CDKN2B-AS1: variants seen among roughly 807,000 people sequenced by gnomAD.
CDKN2B-AS1 encodes the protein CDKN2B antisense RNA 1 (non-protein coding).
At chr9:22,048,660 A>G (rs948938929) in intron 2 of CDKN2B-AS1, among the ~76,000 whole-genome samples, 2 of 152,108 alleles carry the variant, frequency 1.3e-5, no homozygotes, top group Non-Finnish European at 2.9e-5. Flanking sequence ...TCCAATCCAT[A>G]TCGGGGAAAA....
chr9:22,042,441 A>C (rs1199462547), intron 1 of CDKN2B-AS1, among the ~76,000 whole-genome samples: 1 of 152,108 alleles, frequency 6.6e-6, no homozygotes, highest in African/African-American at 2.4e-5. Flanking sequence ...GAAAGTGAAA[A>C]ATGCTCTTAA....
chr9:22,073,550 T>G (rs1824379584), intron 4 of CDKN2B-AS1, among the ~76,000 whole-genome samples: 1 of 152,180 alleles, frequency 6.6e-6, no homozygotes, highest in Non-Finnish European at 1.5e-5. Context: ...TTCTGTTAAC[T>G]GAGAGTGATT....
intron 1 of CDKN2B-AS1, among the ~76,000 whole-genome samples, chr9:22,033,445 G>T (rs905752109): frequency 1.3e-5 from 2 of 152,120 alleles, no homozygotes; most frequent in African/African-American, 4.8e-5. Context: ...ACATGCATAT[G>T]TAAATGAGTC....
chr9:22,059,364 A>T (rs1333392512), intron 4 of CDKN2B-AS1, among the ~76,000 whole-genome samples: 6 of 152,216 alleles, frequency 3.9e-5, no homozygotes, highest in Non-Finnish European at 1.5e-5. Context: ...TACAGGGCCC[A>T]TGCAAGTCCA....
At chr9:22,123,282 C>A (rs1826136114) in intron 4 of CDKN2B-AS1, among the ~76,000 whole-genome samples, 1 of 152,132 alleles carries the variant, frequency 6.6e-6, no homozygotes, top group Non-Finnish European at 1.5e-5. Flanking sequence ...TATATAAAAT[C>A]ATGTCATCTG....
chr9:22,103,131 A>ATTGTG, intron 4 of CDKN2B-AS1, among the ~76,000 whole-genome samples: 1 of 132,412 alleles, frequency 7.6e-6, no homozygotes, highest in Middle Eastern at 3.5e-3. Flanking sequence ...TCTAGAACAG[A>ATTGTG]TGTGTGTGTG....
chr9:22,030,565 GTGAA>G (rs1184719030), intron 1 of CDKN2B-AS1: 1 of 152,126 alleles, frequency 6.6e-6, no homozygotes, highest in East Asian at 1.9e-4. Flanking sequence ...TATGGACATA[GTGAA>G]TGGAAGTTCA....
At chr9:22,026,586 C>G (rs1189360019) in intron 1 of CDKN2B-AS1, among the ~76,000 whole-genome samples, 1 of 152,224 alleles carries the variant, frequency 6.6e-6, no homozygotes. Flanking sequence ...GGGTCTTATC[C>G]TGTGAGGCGC....
chr9:22,046,205 A>G (rs1407994176), intron 1 of CDKN2B-AS1: 1 of 152,170 alleles, frequency 6.6e-6, no homozygotes, highest in African/African-American at 2.4e-5. Context: ...AGAAAAATGC[A>G]GTGACTCCCA....
chr9:22,123,528 T>A (rs182281221), intron 4 of CDKN2B-AS1, among the ~76,000 whole-genome samples: 2 of 151,804 alleles, frequency 1.3e-5, no homozygotes, highest in Admixed American at 1.3e-4. Flanking sequence ...CCAAAAGAGG[T>A]GAGGGATGGA....
chr9:22,102,006 C>G (rs565002870), intron 4 of CDKN2B-AS1, among the ~76,000 whole-genome samples: 2 of 152,276 alleles, frequency 1.3e-5, no homozygotes, highest in East Asian at 3.9e-4. Flanking sequence ...ATGGTCATAA[C>G]TCAGCTCTCA....
rs748040681 is a variant in CDKN2B-AS1 at position 22,101,665 on chromosome 9, A to AACACACACAC, written n.439-25410_439-25401dup. On this transcript the variant is annotated intron_variant and non_coding_transcript_variant, in intron 4 of 4. Transcript: ENST00000650946. ...TTTCATTGCAACCCTAACCCTCTTC[A>AACACACACAC]ACACACACACACACACACACACACA... is the stretch of plus-strand genomic sequence containing the variant. Among the ~76,000 whole-genome samples the AACACACACAC allele has an allele frequency of 6.0e-3, 756 of 125,488 alleles. 20 individuals are homozygous for AACACACACAC. Among genetic ancestry groups the AACACACACAC allele is most frequent in the African/African-American group, 0.02 (716 of 35,902 alleles). The allele number at this position is 125,488 out of a possible 152,430, so 82.3% of individuals were successfully genotyped here.
At chr9:22,068,498 C>G (rs1427092987) in intron 4 of CDKN2B-AS1, among the ~76,000 whole-genome samples, 3 of 152,090 alleles carry the variant, frequency 2.0e-5, no homozygotes, top group Admixed American at 2.0e-4. Context: ...ACACTATGTA[C>G]CAAGCCCGAG....
At chr9:22,023,620 A>G (rs1180279751) in intron 1 of CDKN2B-AS1, among the ~76,000 whole-genome samples, 1 of 152,108 alleles carries the variant, frequency 6.6e-6, no homozygotes. Context: ...GAACATGCTT[A>G]TAATCTCAGC....
chr9:22,117,246 TTTTAA>T (rs1825973869), intron 4 of CDKN2B-AS1, among the ~76,000 whole-genome samples: 1 of 152,242 alleles, frequency 6.6e-6, no homozygotes, highest in Non-Finnish European at 1.5e-5. Flanking sequence ...TTTTGTTTAT[TTTTAA>T]TTTAACCTAC....
Position 22,056,234 on chromosome 9 carries a change from A to ATATTTTTTTTTT in CDKN2B-AS1, n.303-17_303-16insATTTTTTTTTTT, listed in dbSNP as rs777560826. ...TGTGTATATATATATATATATATAT[A>ATATTTTTTTTTT]TTTTTTTTTTTTTCCAGTAGAGACG... On this transcript the variant is annotated splice_polypyrimidine_tract_variant and intron_variant and non_coding_transcript_variant, in intron 3 of 4. Coordinates refer to ENST00000650946, the Ensembl canonical transcript of CDKN2B-AS1. The ATATTTTTTTTTT allele has an allele frequency of 1.0e-4, 10 of 98,278 alleles. No individual in the cohort carries two copies. In the South Asian group the frequency reaches 1.9e-3, roughly 18 times the overall value. 6.1% of individuals were successfully genotyped at this position (98,278 alleles called of 1,614,324 possible). A position where few individuals can be genotyped will look rare whatever the true frequency, so the allele number is the denominator to read the frequency against.
intron 1 of CDKN2B-AS1, among the ~76,000 whole-genome samples, chr9:22,010,714 T>C (rs891762150): frequency 1.3e-5 from 2 of 152,188 alleles, no homozygotes; most frequent in Admixed American, 1.3e-4. Flanking sequence ...TAACAATTTC[T>C]TTTTCTTTCC....
intron 4 of CDKN2B-AS1, among the ~76,000 whole-genome samples, chr9:22,066,976 A>G (rs539806758): frequency 6.6e-6 from 1 of 152,136 alleles, no homozygotes; most frequent in East Asian, 1.9e-4. Flanking sequence ...CAGAAAACCA[A>G]ACACTGATGT....
chr9:22,027,995 A>G (rs1322921899), intron 1 of CDKN2B-AS1, among the ~76,000 whole-genome samples: 4 of 152,194 alleles, frequency 2.6e-5, no homozygotes, highest in African/African-American at 9.6e-5. Flanking sequence ...AGAAATCAAT[A>G]TCTTCATCAA....
Sources: allele counts gnomAD v4.1 joint callset (sites outside exome capture counted in the v4.1 genomes callset), GRCh38; gene constraint gnomAD v4.1.1; transcripts MANE v1.5; gene names NCBI Gene and HGNC (gene_info 2026-07-23, HGNC 2026-07-21).